Variants in ARHGEF4 observed in about 807,000 individuals in gnomAD.
ARHGEF4 encodes the protein APC-stimulated guanine nucleotide exchange factor 1.
ARHGEF4 carries 119 observed loss-of-function variants against 162.0 expected under a neutral mutation model. The observed-to-expected ratio is 0.73, with a 90% CI of 0.63 to 0.86. The LOEUF (loss-of-function observed/expected upper bound fraction) is 0.86, where lower values mean the gene tolerates loss of function less well. Among genes scored for constraint, ARHGEF4 ranks in the 40% least tolerant of loss-of-function variants. The pLI is 0.00. For missense variants in ARHGEF4, 2,488 were observed against 2,456.0 expected (o/e 1.01, Z -0.28); for synonymous variants, 1,014 against 979.9 (o/e 1.03, Z -0.65).
intron 4 of ARHGEF4, among the ~76,000 whole-genome samples, chr2:131,001,433 T>C (rs1408117306): frequency 6.6e-6 from 1 of 151,516 alleles, no homozygotes; most frequent in Non-Finnish European, 1.5e-5. Flanking sequence ...TCAATGAATA[T>C]GTGAACAAAT....
At chr2:131,035,301 G>A (rs1458915547) in intron 5 of ARHGEF4, 3 of 1,193,850 alleles carry the variant, frequency 2.5e-6, no homozygotes, top group African/African-American at 1.6e-5. Flanking sequence ...GAGTGGCGCG[G>A]GCGACGGCAC....
intron 1 of ARHGEF4, among the ~76,000 whole-genome samples, chr2:130,854,912 C>T (rs1444234625): frequency 6.6e-6 from 1 of 151,522 alleles, no homozygotes; most frequent in African/African-American, 2.4e-5. Flanking sequence ...CTCACTCTGT[C>T]GCCGAGGCTG....
chr2:131,032,848 C>CTTTTTTTTTTTTTTTTTTTTT (rs111971610), intron 5 of ARHGEF4, among the ~76,000 whole-genome samples: 2 of 128,618 alleles, frequency 1.6e-5, no homozygotes, highest in African/African-American at 6.7e-5. Context: ...TTTCTTTTTT[C>CTTTTTTTTTTTTTTTTTTTTT]TTTTTTTTTT....
At chr2:130,974,288 A>T (rs1279241268) in intron 4 of ARHGEF4, among the ~76,000 whole-genome samples, 4 of 151,790 alleles carry the variant, frequency 2.6e-5, no homozygotes, top group African/African-American at 9.7e-5. Context: ...AAAAAAAAAG[A>T]TAGAAACATG....
intron 4 of ARHGEF4, among the ~76,000 whole-genome samples, chr2:131,024,099 A>G (rs1296090796): frequency 2.0e-5 from 3 of 152,162 alleles, no homozygotes; most frequent in Admixed American, 6.5e-5. Context: ...GCCTATACAC[A>G]CACATTGTAC....
rs1380302951 is a variant in ARHGEF4, at chr2:130,916,885, C to G, written c.2939C>G (p.Ser980Cys). The change falls in exon 2 of 14, where the codon TCC becomes TGC. Residue 980 changes from serine (S) to cysteine (C), a missense_variant. This residue lies in a region of ARHGEF4 where 1,642 missense variants were observed against 1,481.5 expected (regional missense o/e 1.11). Coordinates refer to ENST00000409359, the MANE Select transcript of ARHGEF4 (RefSeq NM_001367493.1). ...CTGCCTCTAGGACCCGAAGTTCTCT[C>G]CCCAGCAGAGACCGACAGCCACTGT... ...VSLPLGPEVLSPAETDSHCEE... is the reference protein window; with the variant it reads ...VSLPLGPEVLCPAETDSHCEE... The G allele has an allele frequency of 2.6e-6, 4 of 1,550,342 alleles. No individual in the cohort carries two copies. The East Asian group carries it at 7.3e-5, about 28-fold the overall frequency.
intron 11 of ARHGEF4, among the ~76,000 whole-genome samples, chr2:131,043,880 C>T (rs1258724309): frequency 6.6e-6 from 1 of 152,184 alleles, no homozygotes; most frequent in Non-Finnish European, 1.5e-5. Context: ...TCCACATCCC[C>T]TCTCTCCAAC....
chr2:130,871,151 C>T (rs192378307), intron 1 of ARHGEF4, among the ~76,000 whole-genome samples: 1 of 152,316 alleles, frequency 6.6e-6, no homozygotes, highest in East Asian at 1.9e-4. Context: ...CACAGGTCAG[C>T]TCTCTCAACC....
At chr2:130,919,461 C>A (rs539889857) in intron 2 of ARHGEF4, among the ~76,000 whole-genome samples, 2 of 152,042 alleles carry the variant, frequency 1.3e-5, no homozygotes, top group Non-Finnish European at 1.5e-5. Flanking sequence ...TTTCTGATCA[C>A]CTGAAAATAC....
intron 3 of ARHGEF4, among the ~76,000 whole-genome samples, chr2:130,935,544 C>A (rs919214559): frequency 2.6e-5 from 4 of 152,202 alleles, no homozygotes; most frequent in Non-Finnish European, 5.9e-5. Context: ...GCGTTCACTG[C>A]ATCCATAAGC....
intron 4 of ARHGEF4, among the ~76,000 whole-genome samples, chr2:130,970,940 T>C (rs1209892012): frequency 6.6e-6 from 1 of 152,240 alleles, no homozygotes; most frequent in Non-Finnish European, 1.5e-5. Context: ...TTCATCTCTC[T>C]GTCTTATAAA....
intron 4 of ARHGEF4, among the ~76,000 whole-genome samples, chr2:130,979,965 T>G (rs1421402452): frequency 6.6e-6 from 1 of 152,152 alleles, no homozygotes; most frequent in Non-Finnish European, 1.5e-5. Flanking sequence ...ATGTTACAAA[T>G]TAAAACAATG....
chr2:130,945,066 A>C (rs556353243), intron 3 of ARHGEF4, among the ~76,000 whole-genome samples: 1 of 152,020 alleles, frequency 6.6e-6, no homozygotes, highest in South Asian at 2.1e-4. Flanking sequence ...AATATGTTCT[A>C]CCCCATGGTT....
intron 4 of ARHGEF4, among the ~76,000 whole-genome samples, chr2:130,988,893 TATATATATAGAGAGAGAGAGAG>T (rs1489937666): frequency 3.5e-5 from 4 of 113,262 alleles, no homozygotes; most frequent in East Asian, 3.7e-4. Context: ...TATATATATA[TATATATATAGAGAGAGAGAGAG>T]AGAGAGAGAG....
chr2:130,854,674 C>T (rs1436011836), intron 1 of ARHGEF4, among the ~76,000 whole-genome samples: 1 of 152,094 alleles, frequency 6.6e-6, no homozygotes, highest in Non-Finnish European at 1.5e-5. Flanking sequence ...GGAGGTTCCA[C>T]ACCAGGAGGG....
chr2:130,941,840 T>C (rs1382435543), intron 3 of ARHGEF4, among the ~76,000 whole-genome samples: 1 of 152,150 alleles, frequency 6.6e-6, no homozygotes, highest in Non-Finnish European at 1.5e-5. Flanking sequence ...AGAAAATCCA[T>C]GTATAAGTAA....
At chr2:130,868,314 G>A (rs1682446075) in intron 1 of ARHGEF4, among the ~76,000 whole-genome samples, 1 of 151,994 alleles carries the variant, frequency 6.6e-6, no homozygotes, top group Non-Finnish European at 1.5e-5. Context: ...ACAAGGCTGT[G>A]GTCAAGATGA....
chr2:130,999,713 G>T (rs1179187652), intron 4 of ARHGEF4, among the ~76,000 whole-genome samples: 2 of 151,512 alleles, frequency 1.3e-5, no homozygotes, highest in Non-Finnish European at 1.5e-5. Context: ...GTTTTGTTTT[G>T]TTTTTTGAGA....
intron 4 of ARHGEF4, among the ~76,000 whole-genome samples, chr2:131,016,252 A>G (rs146747439): frequency 2.0e-5 from 3 of 152,236 alleles, no homozygotes; most frequent in Non-Finnish European, 4.4e-5. Flanking sequence ...ATCACGCAAC[A>G]TTATTTGTTT....
Sources: gnomAD v4.1 joint callset for allele counts (sites outside exome capture counted in the v4.1 genomes callset) on GRCh38, gnomAD v4.1.1 for gene constraint, gnomAD v4.1.1 regional missense constraint, MANE v1.5 for transcripts, NCBI Gene and HGNC (gene_info 2026-07-23, HGNC 2026-07-21) for gene names.